The following ZNF451 variants were observed in gnomAD, a reference collection of about 807,000 sequenced individuals.
The protein encoded by ZNF451 is E3 SUMO-protein ligase ZNF451.
In ZNF451, 80 loss-of-function variants were observed where a neutral mutation model predicts 107.1. The ratio of observed to expected loss-of-function variants is 0.75; its 90% CI spans 0.62 to 0.90. The LOEUF is 0.90. Ranked by LOEUF, ZNF451 falls within the 40% of genes least tolerant of loss-of-function variation. The pLI, the probability that ZNF451 is intolerant of heterozygous loss-of-function variation, is 0.00. For missense variants in ZNF451, 1,107 were observed against 1,236.2 expected (o/e 0.90, Z 1.57); for synonymous variants, 362 against 406.5 (o/e 0.89, Z 1.32).
intron 13 of ZNF451, among the ~76,000 whole-genome samples, chr6:57,156,796 A>T (rs1039475297): frequency 6.6e-6 from 1 of 152,230 alleles, no homozygotes; most frequent in Non-Finnish European, 1.5e-5. Context: ...ATGGAAGACA[A>T]TTTTTCCATG....
At chr6:57,158,269 A>G (rs1419224600) in intron 13 of ZNF451, among the ~76,000 whole-genome samples, 1 of 152,242 alleles carries the variant, frequency 6.6e-6, no homozygotes, top group African/African-American at 2.4e-5. Flanking sequence ...GATAATGGGA[A>G]ATATTCTGCC....
chr6:57,148,071 G>C lies in ZNF451; in HGVS notation c.1986G>C (p.Glu662Asp). The change falls in exon 10 of 15, where the codon GAG becomes GAC. Residue 662 changes from glutamate (E) to aspartate (D), a missense_variant. Physicochemically the swap from Glu to Asp is conservative, Grantham distance 45. Around this residue, in one of 5 missense-constraint regions of ZNF451, gnomAD observed 608 missense variants for 649.2 expected, o/e 0.94. Transcript: ENST00000370706. Reference protein sequence around the residue: ...YRHCQDEHDNEIKIKYFCGLC... With the variant: ...YRHCQDEHDNDIKIKYFCGLC... ...ATTGCCAAGATGAGCATGACAATGAGATAAAGATTAAATACTTCTGTGGGC... is the reference window on the plus strand; with the variant it reads ...ATTGCCAAGATGAGCATGACAATGACATAAAGATTAAATACTTCTGTGGGC... 6.2e-7 allele frequency: 1 copy of C among 1,614,048 alleles called. No homozygotes were observed. Among genetic ancestry groups the C allele is most frequent in the Non-Finnish European group, 8.5e-7 (1 of 1,179,966 alleles).
intron 3 of ZNF451, chr6:57,104,616 A>G: frequency 1.0e-6 from 1 of 985,294 alleles, no homozygotes; most frequent in Non-Finnish European, 1.2e-6. Flanking sequence ...AAAAAAAGAA[A>G]AAAAAAGGCA....
chr6:57,153,666 G>T (rs1177766629), intron 12 of ZNF451, among the ~76,000 whole-genome samples, 195 bp from the exon 13 acceptor site: 1 of 152,182 alleles, frequency 6.6e-6, no homozygotes, highest in Admixed American at 6.5e-5. Context: ...ACCTGCTTTA[G>T]CCTCCCAAAG....
At chr6:57,119,965 C>G (rs986591181) in intron 3 of ZNF451, among the ~76,000 whole-genome samples, 1 of 151,968 alleles carries the variant, frequency 6.6e-6, no homozygotes, top group Non-Finnish European at 1.5e-5. Context: ...AGGGTTCACA[C>G]TTGGTGTTAT....
chr6:57,158,612 C>T, intron 13 of ZNF451: 1 of 985,408 alleles, frequency 1.0e-6, no homozygotes, highest in Non-Finnish European at 1.2e-6. Flanking sequence ...CACTAGAAAC[C>T]TGCCTCCCAT....
Position 57,148,693 on chromosome 6 carries a change from G to T in ZNF451, c.2608G>T (p.Glu870Ter). ...VENDLSYQNI[E>*]EEIVELPDLD... ...GAATGACCTAAGCTATCAGAATATA[G>T]GTATGGCTTTATAGCTCTATGCAAA... Residue 870 changes from glutamate to a stop codon, truncating the protein, a stop_gained and splice_region_variant, in exon 10 of 15, where the codon GAG becomes TAG. Transcript: ENST00000370706. LOFTEE classifies it high-confidence loss of function. 3 of 1,595,916 alleles carry T rather than the reference G, an allele frequency of 1.9e-6. No individual in the cohort carries two copies. The highest frequency in any genetic ancestry group is 2.6e-6 in the Non-Finnish European group (3 of 1,172,144).
intron 3 of ZNF451, chr6:57,103,524 G>A (rs988452780): frequency 4.0e-5 from 39 of 985,314 alleles, no homozygotes; most frequent in Non-Finnish European, 4.7e-5. Flanking sequence ...CAAGGTAGTG[G>A]ATGTATGGTA....
At chr6:57,125,928 C>T (rs911175650) in intron 4 of ZNF451, among the ~76,000 whole-genome samples, 6 of 152,178 alleles carry the variant, frequency 3.9e-5, no homozygotes, top group Non-Finnish European at 8.8e-5. Flanking sequence ...TCCCCACCCC[C>T]CTAGAACTAT....
Position 57,150,799 on chromosome 6 carries a change from T to G in ZNF451, c.2689T>G (p.Ser897Ala), listed in dbSNP as rs551604732. The G allele has an allele frequency of 6.2e-7, 1 of 1,614,034 alleles. No homozygotes were observed. Among genetic ancestry groups the G allele is most frequent in the South Asian group, 1.1e-5 (1 of 91,066 alleles). Reference protein sequence around the residue: ...HIVFVDFDNWSNFFGHLPGHL... With the variant: ...HIVFVDFDNWANFFGHLPGHL... Reference sequence around the variant, plus strand: ...AGTCTTTGTAGATTTTGATAACTGGTCAAACTTTTTTGGTCATCTACCAGG... The same window carrying G: ...AGTCTTTGTAGATTTTGATAACTGGGCAAACTTTTTTGGTCATCTACCAGG... Residue 897 changes from serine to alanine, a missense_variant, in exon 11 of 15, where the codon TCA becomes GCA. This residue lies in a region of ZNF451 where 608 missense variants were observed against 649.2 expected (regional missense o/e 0.94). Transcript: ENST00000370706.
Position 57,147,187 on chromosome 6 carries a change from A to G in ZNF451, c.1102A>G (p.Asn368Asp). ...ATTAAGAGGTTATTGTCCAGATTGC[A>G]ATCAAGTCTTTGTGGATGAAACCAG... Reference protein sequence around the residue: ...FILRGYCPDCNQVFVDETSTQ... With the variant: ...FILRGYCPDCDQVFVDETSTQ... Residue 368 changes from asparagine (N) to aspartate (D), a missense_variant, in exon 10 of 15, where the codon AAT becomes GAT. Physicochemically the swap from Asn to Asp is conservative, Grantham distance 23 (BLOSUM62 1). Around this residue, in one of 5 missense-constraint regions of ZNF451, gnomAD observed 608 missense variants for 649.2 expected, o/e 0.94. Transcript: ENST00000370706. 1 of 1,614,116 alleles carries G rather than the reference A, an allele frequency of 6.2e-7. No individual in the cohort carries two copies. The highest frequency in any genetic ancestry group is 8.5e-7 in the Non-Finnish European group (1 of 1,179,970).
chr6:57,138,733 ATATATATATGTGTGTGTG>A (rs1481196755), intron 7 of ZNF451, among the ~76,000 whole-genome samples: 9 of 111,070 alleles, frequency 8.1e-5, no homozygotes, highest in African/African-American at 2.9e-4. Flanking sequence ...ATATATATAT[ATATATATATGTGTGTGTG>A]TGTGTGTGTG....
chr6:57,111,363 GT>G (rs1169228799), intron 3 of ZNF451, among the ~76,000 whole-genome samples: 1 of 137,096 alleles, frequency 7.3e-6, no homozygotes, highest in East Asian at 2.0e-4. Context: ...TTACTGTGGG[GT>G]TTTTTTGTTT....
chr6:57,157,725 C>G (rs1370868667), intron 13 of ZNF451, among the ~76,000 whole-genome samples: 2 of 152,066 alleles, frequency 1.3e-5, no homozygotes, highest in Non-Finnish European at 2.9e-5. Context: ...TACATGGATC[C>G]TTTCTGGTAA....
At chr6:57,105,323 GAC>G (rs1429573263) in intron 3 of ZNF451, 1 of 983,118 alleles carries the variant, frequency 1.0e-6, no homozygotes, top group Non-Finnish European at 1.2e-6. Context: ...TGTATATAGA[GAC>G]AATATGGTTT....
In ZNF451 at chr6:57,128,709, T is replaced by C; in HGVS notation, c.313-20T>C. On this transcript the variant is annotated intron_variant, in intron 4 of 14. Coordinates refer to ENST00000370706, the MANE Select transcript of ZNF451 (RefSeq NM_001031623.3). ...AAACAGGGTAGTAATCTTAATTGAG[T>C]TTTTTCTTAATGTCTTCAGGAAAAA... is the stretch of plus-strand genomic sequence containing the variant. The C allele has an allele frequency of 6.4e-7, 1 of 1,572,922 alleles. No individual in the cohort carries two copies. The highest frequency in any genetic ancestry group is 8.7e-7 in the Non-Finnish European group (1 of 1,149,656).
chr6:57,106,932 C>T, intron 3 of ZNF451: 1 of 928,764 alleles, frequency 1.1e-6, no homozygotes, highest in Non-Finnish European at 1.3e-6. Context: ...GTTTTATAAA[C>T]CATTAAAATA....
At chr6:57,153,825 AT>A in intron 12 of ZNF451, 35 bp from the exon 13 acceptor site, 5 of 1,607,294 alleles carry the variant, frequency 3.1e-6, no homozygotes, top group Non-Finnish European at 4.3e-6. Context: ...ACTCATGCTG[AT>A]TTTTTATCAA....
intron 2 of ZNF451, chr6:57,093,095 A>C (rs1829127906): frequency 6.6e-6 from 1 of 152,192 alleles, no homozygotes; most frequent in Non-Finnish European, 1.5e-5. Context: ...TCCTTTATTC[A>C]ACTACTGTTT....
Sources: gnomAD v4.1 joint callset for allele counts (sites outside exome capture counted in the v4.1 genomes callset) on GRCh38, gnomAD v4.1.1 for gene constraint, gnomAD v4.1.1 regional missense constraint, MANE v1.5 for transcripts, NCBI Gene and HGNC (gene_info 2026-07-23, HGNC 2026-07-21) for gene names.